The following MRPS23 variants were observed in gnomAD, a reference collection of about 807,000 sequenced individuals.
The protein encoded by MRPS23 is small ribosomal subunit protein mS23.
Under a neutral mutation model 19.8 loss-of-function variants are expected in MRPS23, and 14 were observed. The observed-to-expected ratio is 0.71, with a 90% CI of 0.47 to 1.11. The LOEUF is 1.11. Ranked by LOEUF, MRPS23 falls within the 50% of genes least tolerant of loss-of-function variation. The pLI, the probability that MRPS23 is intolerant of heterozygous loss-of-function variation, is 0.00. For missense variants in MRPS23, 242 were observed against 236.7 expected, an observed-to-expected ratio of 1.02 and a Z score of -0.15; for synonymous variants, 113 against 89.7, an observed-to-expected ratio of 1.26 and a Z score of -1.47.
At position 57,835,755 on chromosome 17, in the gene MRPS23, T is replaced by A. The variant is rs1193917979; in HGVS notation, c.*4028A>T. 1 of 152,148 alleles carries A rather than the reference T, an allele frequency of 6.6e-6. No homozygotes were observed. Among genetic ancestry groups the A allele is most frequent in the African/African-American group, 2.4e-5 (1 of 41,436 alleles). The allele number at this position is 152,148 out of a possible 1,614,324, so 9.4% of individuals were successfully genotyped here. ...CTGAAATACTGTGACAGGCACAGGG[T>A]CACATAGTAAAAACTGCCTGGAGTA... On this transcript the variant is annotated 3_prime_UTR_variant, in exon 5 of 5. Transcript: ENST00000313608.
rs2073729111 is a variant in MRPS23 at position 57,839,799 on chromosome 17, C to A, written c.557G>T (p.Gly186Val). 6.2e-7 allele frequency: 1 copy of A among 1,614,122 alleles called. No homozygotes were observed. The highest frequency in any genetic ancestry group is 8.5e-7 in the Non-Finnish European group (1 of 1,180,004). Residue 186 changes from glycine to valine, a missense_variant, in exon 5 of 5, where the codon GGT (glycine) becomes GTT (valine). Coordinates refer to ENST00000313608, the MANE Select transcript of MRPS23 (RefSeq NM_016070.4). ...ACAGGTCCTTCAGGGAGGCAAGAGA[C>A]CTTTCGACTGGTCTGCAGGTGCCTC... ...HLEAPADQSK[G>V]LLPP is the part of the protein sequence containing the mutation.
chr17:57,841,804 A>C (rs1480736329), intron 2 of MRPS23, among the ~76,000 whole-genome samples: 1 of 152,154 alleles, frequency 6.6e-6, no homozygotes, highest in Admixed American at 6.5e-5. Context: ...AGAAATTAGC[A>C]GGCATGGTGG....
At chr17:57,839,961 C>A (rs779186471) in intron 4 of MRPS23, 26 bp from the exon 5 acceptor site, 2 of 1,611,002 alleles carry the variant, frequency 1.2e-6, no homozygotes. Context: ...TTAAGTATCA[C>A]AGAGATGTTA....
intron 2 of MRPS23, among the ~76,000 whole-genome samples, chr17:57,848,095 CT>C (rs201538462): frequency 3.3e-5 from 5 of 151,200 alleles, no homozygotes; most frequent in East Asian, 3.9e-4. Context: ...AAGACAACTA[CT>C]TTTTTTTTGG....
chr17:57,846,359 G>A (rs1318163103), intron 2 of MRPS23, among the ~76,000 whole-genome samples: 1 of 152,000 alleles, frequency 6.6e-6, no homozygotes, highest in Non-Finnish European at 1.5e-5. Flanking sequence ...CTGCCCGGCC[G>A]CCCCGTCTGG....
intron 2 of MRPS23, among the ~76,000 whole-genome samples, chr17:57,842,865 A>G (rs1410124103): frequency 5.8e-5 from 1 of 17,348 alleles, no homozygotes; most frequent in East Asian, 6.8e-3. Flanking sequence ...CCCTGTCTCT[A>G]AAAAAAAAAA....
In MRPS23 at chr17:57,839,946, CAGATTTAAGT is replaced by C. The variant is rs752793792; in HGVS notation, c.421-21_421-12del. On this transcript the variant is annotated splice_polypyrimidine_tract_variant and intron_variant, in intron 4 of 4. Coordinates refer to ENST00000313608, the MANE Select transcript of MRPS23 (RefSeq NM_016070.4). ...ACTACCTCCGTGTTGCTTAAAAGAC[CAGATTTAAGT>C]ATCACAGAGATGTTATCATTTTCAC... 36 of 1,613,694 alleles carry C rather than the reference CAGATTTAAGT, an allele frequency of 2.2e-5. No individual in the cohort carries two copies. The South Asian group carries it at 3.5e-4, about 16-fold the overall frequency.
rs779932065 is a variant in MRPS23 at position 57,850,018 on chromosome 17, G to C, written c.-8C>G. 2.5e-6 allele frequency: 4 copies of C among 1,591,668 alleles called. No homozygotes were observed. The highest frequency in any genetic ancestry group is 2.3e-5 in the East Asian group (1 of 43,520). On this transcript the variant is annotated 5_prime_UTR_variant, in exon 1 of 5. Transcript: ENST00000313608. Reference sequence around the variant, plus strand: ...CAGCCGGCTGCCTGCCATGATCTGCGCCTGGTACCGAGCGTGACTAGCTGC... The same window carrying C: ...CAGCCGGCTGCCTGCCATGATCTGCCCCTGGTACCGAGCGTGACTAGCTGC...
chr17:57,844,623 T>C (rs2073760480), intron 2 of MRPS23, among the ~76,000 whole-genome samples: 1 of 140,084 alleles, frequency 7.1e-6, no homozygotes, highest in Non-Finnish European at 1.5e-5. Context: ...AAAAAAAAAT[T>C]AGCCCGCCGT....
chr17:57,842,948 G>A (rs1390370004), intron 2 of MRPS23, among the ~76,000 whole-genome samples: 1 of 142,792 alleles, frequency 7.0e-6, no homozygotes, highest in Non-Finnish European at 1.5e-5. Context: ...GGCAGGTGCA[G>A]TGGCTCACAC....
At chr17:57,840,070 TAACAA>T in intron 4 of MRPS23, 135 bp from the exon 5 acceptor site, 3 of 1,025,396 alleles carry the variant, frequency 2.9e-6, no homozygotes, top group Non-Finnish European at 2.8e-6. Context: ...AATTCTACTA[TAACAA>T]ATAGTAAACA....
chr17:57,849,895 GA>G, intron 1 of MRPS23, 71 bp downstream of exon 1: 1 of 1,523,002 alleles, frequency 6.6e-7, no homozygotes, highest in African/African-American at 1.4e-5. Flanking sequence ...CCGCTCCAAG[GA>G]AGAGCGTGAC....
Position 57,849,485 on chromosome 17 carries a change from T to C in MRPS23, c.45-75A>G, listed in dbSNP as rs2073798318. The C allele has an allele frequency of 3.8e-5, 59 of 1,545,956 alleles. No homozygotes were observed. In the South Asian group the frequency reaches 6.7e-4, roughly 18 times the overall value. On this transcript the variant is annotated intron_variant, in intron 1 of 4. Coordinates refer to ENST00000313608, the MANE Select transcript of MRPS23 (RefSeq NM_016070.4). The stretch of plus-strand genomic sequence containing the variant: ...AGCCCCTGAATCAGTCTAGCACAGT[T>C]TGGGACATTAAAGGTATTATGCGGT...
At chr17:57,849,725 C>A in intron 1 of MRPS23, 1 of 609,048 alleles carries the variant, frequency 1.6e-6, no homozygotes, top group Non-Finnish European at 2.8e-6. Flanking sequence ...TTCCTAGAGA[C>A]CTCCACTCGG....
chr17:57,838,317 A>AT lies in MRPS23; in HGVS notation c.*1465dup, dbSNP rs775843611. On this transcript the variant is annotated 3_prime_UTR_variant, in exon 5 of 5. Transcript: ENST00000313608. ...AAAAAAAAAAAAAAAAAAAAAAAAA[A>AT]TTAAAAATCTACAGAGGAGGAAAAC... The AT allele has an allele frequency of 4.3e-5, 6 of 141,064 alleles. No homozygotes were observed. Among genetic ancestry groups the AT allele is most frequent in the African/African-American group, 8.1e-5 (3 of 37,170 alleles). The allele number at this position is 141,064 out of a possible 1,614,324, so 8.7% of individuals were successfully genotyped here. A position where few individuals can be genotyped will look rare whatever the true frequency, so the allele number is the denominator to read the frequency against.
chr17:57,845,997 A>G (rs2073770325), intron 2 of MRPS23, among the ~76,000 whole-genome samples: 1 of 152,176 alleles, frequency 6.6e-6, no homozygotes, highest in African/African-American at 2.4e-5. Flanking sequence ...TAAGGCCACA[A>G]CAGGGGCAGT....
intron 4 of MRPS23, among the ~76,000 whole-genome samples, 179 bp from the exon 5 acceptor site, chr17:57,840,114 G>A (rs555433901): frequency 2.2e-4 from 33 of 152,338 alleles, no homozygotes; most frequent in Admixed American, 1.8e-3. Flanking sequence ...AGGGCCGGGC[G>A]TGGTGGCTCA....
chr17:57,843,102 C>A (rs892468028), intron 2 of MRPS23, among the ~76,000 whole-genome samples: 10 of 151,696 alleles, frequency 6.6e-5, no homozygotes, highest in African/African-American at 2.4e-4. Context: ...TAGTGGGACA[C>A]CATCTCTACA....
At chr17:57,849,912 G>C (rs2073800902) in intron 1 of MRPS23, 55 bp downstream of exon 1, 5 of 1,556,922 alleles carry the variant, frequency 3.2e-6, no homozygotes. Flanking sequence ...GTGACCGGCT[G>C]AGAACCCCAG....
Sources: allele counts gnomAD v4.1 joint callset (sites outside exome capture counted in the v4.1 genomes callset), GRCh38; gene constraint gnomAD v4.1.1; transcripts MANE v1.5; gene names NCBI Gene and HGNC (gene_info 2026-07-23, HGNC 2026-07-21).